BTBD9: variants seen among roughly 807,000 people sequenced by gnomAD.
BTBD9 encodes the protein BTB/POZ domain-containing protein 9.
Under a neutral mutation model 64.3 loss-of-function variants are expected in BTBD9, and 49 were observed. The observed-to-expected ratio is 0.76, with a 90% CI of 0.61 to 0.97. The LOEUF is 0.97. Among genes scored for constraint, BTBD9 ranks in the 50% least tolerant of loss-of-function variants. The pLI, the probability that BTBD9 is intolerant of heterozygous loss-of-function variation, is 0.00. For synonymous variants in BTBD9, 260 were observed against 274.7 expected (o/e 0.95, Z 0.53); for missense variants, 598 against 762.1 (o/e 0.78, Z 2.53).
intron 6 of BTBD9, among the ~76,000 whole-genome samples, chr6:38,411,645 T>TA (rs1042708437): frequency 2.0e-5 from 3 of 151,726 alleles, no homozygotes; most frequent in East Asian, 3.9e-4. Flanking sequence ...ATATTAAGCA[T>TA]AAAAAAAATG....
intron 6 of BTBD9, among the ~76,000 whole-genome samples, chr6:38,500,814 T>C (rs941793324): frequency 1.3e-5 from 2 of 152,330 alleles, no homozygotes; most frequent in African/African-American, 4.8e-5. Flanking sequence ...ATGTCTTTAA[T>C]GCCAGTGACA....
In BTBD9 at chr6:38,538,976, T is replaced by G. The variant is rs376747824; in HGVS notation, c.1154+38624A>C. Among the ~76,000 whole-genome samples, 29 of 152,172 alleles carry G rather than the reference T, an allele frequency of 1.9e-4. 1 individual carries two copies. Among genetic ancestry groups the G allele is most frequent in the African/African-American group, 6.7e-4 (28 of 41,532 alleles). ...TTTTGATGCAGGGGACAGGAGGGGT[T>G]GTTGTTGTTTTTGAGACAGGGTCTT... On this transcript the variant is annotated intron_variant, in intron 6 of 10. Coordinates refer to ENST00000481247, the MANE Select transcript of BTBD9 (RefSeq NM_001099272.2).
intron 10 of BTBD9, among the ~76,000 whole-genome samples, chr6:38,189,318 G>A (rs572144098): frequency 7.9e-5 from 12 of 152,238 alleles, no homozygotes; most frequent in African/African-American, 1.7e-4. Context: ...ATGTGACCCC[G>A]TCCCTCACGC....
intron 6 of BTBD9, among the ~76,000 whole-genome samples, chr6:38,516,372 C>G (rs1397495381): frequency 2.0e-5 from 3 of 152,110 alleles, no homozygotes; most frequent in African/African-American, 7.2e-5. Flanking sequence ...CTTTATGTCC[C>G]TAGGTTAAGG....
intron 7 of BTBD9, among the ~76,000 whole-genome samples, chr6:38,300,647 T>A (rs1196389717): frequency 6.6e-6 from 1 of 152,214 alleles, no homozygotes; most frequent in Non-Finnish European, 1.5e-5. Context: ...CACTCATGAT[T>A]TGGCTCTCTG....
chr6:38,492,448 G>T, intron 6 of BTBD9, among the ~76,000 whole-genome samples: 1 of 151,996 alleles, frequency 6.6e-6, no homozygotes, highest in South Asian at 2.1e-4. Flanking sequence ...TGGAGGAAAG[G>T]GCTCTTTTCA....
chr6:38,528,617 C>G (rs1773628409), intron 6 of BTBD9, among the ~76,000 whole-genome samples: 1 of 152,172 alleles, frequency 6.6e-6, no homozygotes, highest in Non-Finnish European at 1.5e-5. Context: ...AGGCAGAATC[C>G]TGAGGCCCCC....
Position 38,563,293 on chromosome 6 carries a change from C to A in BTBD9, c.1154+14307G>T, listed in dbSNP as rs188442685. 1.8e-3 allele frequency among the ~76,000 whole-genome samples: 270 copies of A among 152,250 alleles called. 1 individual carries two copies. Among genetic ancestry groups the A allele is most frequent in the African/African-American group, 5.9e-3 (247 of 41,536 alleles). ...TATTTCTAGCCCAGACCTCCTTTTCCATCTTCAAGCCTGTATCTAACAATG... is the reference window on the plus strand; with the variant it reads ...TATTTCTAGCCCAGACCTCCTTTTCAATCTTCAAGCCTGTATCTAACAATG... On this transcript the variant is annotated intron_variant, in intron 6 of 10. Transcript: ENST00000481247.
chr6:38,458,984 T>G (rs139054470), intron 6 of BTBD9, among the ~76,000 whole-genome samples: 1 of 152,188 alleles, frequency 6.6e-6, no homozygotes. Context: ...GCGTAATTCA[T>G]GCTATATAAA....
chr6:38,505,059 C>T (rs1772402434), intron 6 of BTBD9, among the ~76,000 whole-genome samples: 1 of 152,204 alleles, frequency 6.6e-6, no homozygotes. Context: ...TACCTCTCAG[C>T]TTCCACTATA....
At chr6:38,622,970 G>A (rs1321981122) in intron 1 of BTBD9, among the ~76,000 whole-genome samples, 1 of 152,136 alleles carries the variant, frequency 6.6e-6, no homozygotes, top group African/African-American at 2.4e-5. Context: ...ATGGTTCCTA[G>A]TAGATACAAA....
rs1582679267 is a variant in BTBD9, at chr6:38,588,175, T to C, written c.814+4401A>G. 4 of 777,500 alleles carry C rather than the reference T, an allele frequency of 5.1e-6. No individual in the cohort carries two copies. In the South Asian group the frequency reaches 5.6e-5, roughly 11 times the overall value. 48.2% of individuals were successfully genotyped at this position (777,500 alleles called of 1,614,324 possible). On this transcript the variant is annotated intron_variant, in intron 4 of 10. Coordinates refer to ENST00000481247, the MANE Select transcript of BTBD9 (RefSeq NM_001099272.2). ...ATTCAAAAAGCCAGAGTCAGCAGAC[T>C]GGACTCCAAACAACCTCAGCAGTTC...
intron 6 of BTBD9, among the ~76,000 whole-genome samples, chr6:38,566,900 C>A (rs1447169620): frequency 6.6e-6 from 1 of 152,190 alleles, no homozygotes; most frequent in East Asian, 1.9e-4. Context: ...AGATGGTAGT[C>A]ACTGATCAAC....
intron 6 of BTBD9, among the ~76,000 whole-genome samples, chr6:38,363,254 A>T (rs1765045158): frequency 6.6e-6 from 1 of 152,102 alleles, no homozygotes; most frequent in African/African-American, 2.4e-5. Flanking sequence ...GCACTGGCCA[A>T]CATCAACTTT....
At chr6:38,236,247 C>G (rs1763774237) in intron 9 of BTBD9, among the ~76,000 whole-genome samples, 1 of 152,210 alleles carries the variant, frequency 6.6e-6, no homozygotes, top group South Asian at 2.1e-4. Context: ...AGCAACACTA[C>G]TATAGATTTT....
chr6:38,636,123 T>C (rs1778519212), intron 1 of BTBD9, among the ~76,000 whole-genome samples: 1 of 152,214 alleles, frequency 6.6e-6, no homozygotes. Context: ...ACTGTGCACA[T>C]GTATAATCTC....
In BTBD9 at chr6:38,549,186, T is replaced by A. The variant is rs567414912; in HGVS notation, c.1154+28414A>T. 3.3e-5 allele frequency among the ~76,000 whole-genome samples: 5 copies of A among 152,356 alleles called. No homozygotes were observed. The South Asian group carries it at 1.0e-3, about 32-fold the overall frequency. On this transcript the variant is annotated intron_variant, in intron 6 of 10. Coordinates refer to ENST00000481247, the MANE Select transcript of BTBD9 (RefSeq NM_001099272.2). ...CATAAAACATCCCTCAGTATTCCAA[T>A]GAGCTATGAACGCTGGTAAGATAAA...
intron 6 of BTBD9, among the ~76,000 whole-genome samples, chr6:38,484,812 T>G (rs903304492): frequency 3.9e-5 from 6 of 152,216 alleles, no homozygotes; most frequent in Admixed American, 2.6e-4. Flanking sequence ...AGTCATAACC[T>G]TTTTGCTGGT....
intron 6 of BTBD9, among the ~76,000 whole-genome samples, chr6:38,472,090 TA>T (rs1387491043): frequency 6.6e-6 from 1 of 152,192 alleles, no homozygotes; most frequent in East Asian, 1.9e-4. Context: ...GAAAATTCCA[TA>T]AATCCCATCC....
Sources: gnomAD v4.1 joint callset for allele counts (sites outside exome capture counted in the v4.1 genomes callset) on GRCh38, gnomAD v4.1.1 for gene constraint, MANE v1.5 for transcripts, NCBI Gene and HGNC (gene_info 2026-07-23, HGNC 2026-07-21) for gene names.